Variants in GDI2 observed in about 807,000 individuals in gnomAD.
GDI2 encodes the protein rab GDP dissociation inhibitor beta.
GDI2 carries 22 observed loss-of-function variants against 54.2 expected under a neutral mutation model. The observed-to-expected ratio is 0.41, with a 90% CI of 0.29 to 0.58. The LOEUF is 0.58. Ranked by LOEUF, GDI2 falls within the 20% of genes least tolerant of loss-of-function variation. The probability of loss-of-function intolerance (pLI) is 0.35; values close to 1 mark genes in which losing one functional copy is unlikely to be tolerated. For missense variants in GDI2, 422 were observed against 546.0 expected (o/e 0.77, Z 2.26); for synonymous variants, 177 against 182.1 (o/e 0.97, Z 0.23).
chr10:5,776,028 T>C lies in GDI2; in HGVS notation c.720-2087A>G, dbSNP rs1488003308. ...ATGTTCCCCTGCGCCACTGCTCCCC[T>C]TCCTAAGGCTGCCACTTACCCCGGA... is the stretch of plus-strand genomic sequence containing the variant. On this transcript the variant is annotated intron_variant, in intron 6 of 10. Transcript: ENST00000380191. The surrounding 1 kb of genome is among the most constrained non-coding windows in gnomAD (Gnocchi z 5.3). 2 of 188,148 alleles carry C rather than the reference T, an allele frequency of 1.1e-5. No homozygotes were observed. Among genetic ancestry groups the C allele is most frequent in the East Asian group, 1.6e-4 (1 of 6,242 alleles). The allele number at this position is 188,148 out of a possible 1,614,324, so 11.7% of individuals were successfully genotyped here.
rs986454104 is a variant in GDI2 at position 5,774,920 on chromosome 10, C to G, written c.720-979G>C. 7.9e-5 allele frequency among the ~76,000 whole-genome samples: 11 copies of G among 140,126 alleles called. No individual in the cohort carries two copies. The highest frequency in any genetic ancestry group is 2.3e-4 in the South Asian group (1 of 4,276). The allele number at this position is 140,126 out of a possible 152,430, so 91.9% of individuals were successfully genotyped here. A position where few individuals can be genotyped will look rare whatever the true frequency, so the allele number is the denominator to read the frequency against. On this transcript the variant is annotated intron_variant, in intron 6 of 10. Coordinates refer to ENST00000380191, the MANE Select transcript of GDI2 (RefSeq NM_001494.4). The surrounding 1 kb of genome is among the most constrained non-coding windows in gnomAD (Gnocchi z 4.8). ...GGGAAGGGCAAGGGCAAGGGCAAGG[C>G]CAAGGGAAGGGTTGACCAGTAATAG...
intron 6 of GDI2, among the ~76,000 whole-genome samples, chr10:5,775,806 A>G (rs1840605898): frequency 6.6e-6 from 1 of 152,214 alleles, no homozygotes; most frequent in Non-Finnish European, 1.5e-5. Flanking sequence ...TTTAAGAATA[A>G]GCAGAGGCCA....
At chr10:5,797,559 A>G (rs1564397228) in intron 2 of GDI2, among the ~76,000 whole-genome samples, 1 of 150,912 alleles carries the variant, frequency 6.6e-6, no homozygotes, top group East Asian at 1.9e-4. Context: ...AAAAAAAAAA[A>G]AAAAAAAAAT....
intron 1 of GDI2, among the ~76,000 whole-genome samples, chr10:5,803,989 T>C (rs1295007735): frequency 6.6e-6 from 1 of 152,202 alleles, no homozygotes; most frequent in African/African-American, 2.4e-5. Context: ...TTCACACAAA[T>C]TTCAAGTTTT....
chr10:5,789,902 CA>C (rs1303672967), intron 4 of GDI2, among the ~76,000 whole-genome samples: 1 of 152,200 alleles, frequency 6.6e-6, no homozygotes, highest in African/African-American at 2.4e-5. Flanking sequence ...GTGGTGAGCT[CA>C]AGTGTTTGAA....
chr10:5,804,729 T>C (rs72772386), intron 1 of GDI2, among the ~76,000 whole-genome samples: 5,069 of 152,304 alleles, frequency 0.033, 141 homozygotes, highest in Non-Finnish European at 0.05. Context: ...TATCTGTTCA[T>C]GTACATACTG....
At chr10:5,788,406 C>T (rs1840924668) in intron 4 of GDI2, among the ~76,000 whole-genome samples, 1 of 152,126 alleles carries the variant, frequency 6.6e-6, no homozygotes, top group Non-Finnish European at 1.5e-5. Context: ...CTCTTTCCCC[C>T]ACAGCAATGG....
In GDI2 at chr10:5,802,554, G is replaced by C. The variant is rs376136332; in HGVS notation, c.46-1849C>G. ...TTGGAGGCTGCAGTGAGCCGAGATC[G>C]CGCCACTGCACTCCAGCCTGGTGTC... On this transcript the variant is annotated intron_variant, in intron 1 of 10. Transcript: ENST00000380191. Among the ~76,000 whole-genome samples the C allele has an allele frequency of 1.3e-4, 19 of 151,146 alleles. No homozygotes were observed. In the South Asian group the frequency reaches 2.9e-3, roughly 23 times the overall value.
chr10:5,770,869 G>A (rs577417188), intron 7 of GDI2, among the ~76,000 whole-genome samples: 29 of 149,428 alleles, frequency 1.9e-4, no homozygotes, highest in African/African-American at 7.2e-4. Flanking sequence ...AGGAGGTTGA[G>A]GCAGGAGAAT....
intron 4 of GDI2, 42 bp from the exon 5 acceptor site, chr10:5,786,092 G>A (rs762250108): frequency 2.3e-6 from 3 of 1,292,946 alleles, no homozygotes; most frequent in Non-Finnish European, 3.3e-6. Context: ...CTCACAATCA[G>A]ACATTGAGGA....
At chr10:5,796,210 C>T (rs180975050) in intron 3 of GDI2, among the ~76,000 whole-genome samples, 3 of 151,704 alleles carry the variant, frequency 2.0e-5, no homozygotes, top group East Asian at 2.0e-4. Flanking sequence ...ATTAGCTGGG[C>T]GTGGTGGCAC....
chr10:5,777,349 T>C (rs1310904360), intron 6 of GDI2, among the ~76,000 whole-genome samples: 3 of 152,134 alleles, frequency 2.0e-5, no homozygotes, highest in Non-Finnish European at 4.4e-5. Flanking sequence ...GGCAGGTGCC[T>C]GAAATCCCAG....
At chr10:5,781,423 C>T (rs1038787613) in intron 6 of GDI2, among the ~76,000 whole-genome samples, 1 of 150,068 alleles carries the variant, frequency 6.7e-6, no homozygotes, top group Non-Finnish European at 1.5e-5. Flanking sequence ...GTCAGCAGAT[C>T]GACACCATCC....
At chr10:5,793,201 C>T (rs1841056634) in intron 4 of GDI2, among the ~76,000 whole-genome samples, 1 of 151,986 alleles carries the variant, frequency 6.6e-6, no homozygotes, top group Non-Finnish European at 1.5e-5. Flanking sequence ...TGCTATGTTG[C>T]CCAGGCTGGT....
At chr10:5,812,973 C>T (rs1450962510) in intron 1 of GDI2, among the ~76,000 whole-genome samples, 1 of 152,216 alleles carries the variant, frequency 6.6e-6, no homozygotes, top group African/African-American at 2.4e-5. Context: ...CACCCCGCCC[C>T]GAGCCTCACG....
chr10:5,797,303 T>A (rs931301365), intron 2 of GDI2, among the ~76,000 whole-genome samples: 2 of 151,632 alleles, frequency 1.3e-5, no homozygotes, highest in African/African-American at 4.8e-5. Flanking sequence ...CCCAAACACT[T>A]TGGGAGGCCG....
Position 5,796,811 on chromosome 10 carries a change from C to T in GDI2, c.205G>A (p.Gly69Arg). The T allele has an allele frequency of 6.3e-7, 1 of 1,595,270 alleles. No individual in the cohort carries two copies. The change falls in exon 3 of 11, where the codon GGA (glycine) becomes AGA (arginine). Residue 69 changes from glycine (G) to arginine (R), a missense_variant. Physicochemically the swap from Gly to Arg is moderately radical, Grantham distance 125. Transcript: ENST00000380191. ...PGSPPESMGR[G>R]RDWNVDLIPK... is the part of the protein sequence containing the mutation. ...ATCAAGTCAACATTCCAGTCTCTTC[C>T]TCTCCCCATTGACTCGGGTGGTGAT...
intron 1 of GDI2, among the ~76,000 whole-genome samples, chr10:5,810,411 A>C (rs1841460684): frequency 6.6e-6 from 1 of 152,184 alleles, no homozygotes; most frequent in Non-Finnish European, 1.5e-5. Flanking sequence ...AACTATGTGC[A>C]AATTATGTGG....
At chr10:5,790,037 C>A (rs1432349729) in intron 4 of GDI2, among the ~76,000 whole-genome samples, 1 of 152,186 alleles carries the variant, frequency 6.6e-6, no homozygotes, top group Non-Finnish European at 1.5e-5. Context: ...GTGTTTAGTG[C>A]AACACCATAA....
Sources: gnomAD v4.1 joint callset for allele counts (sites outside exome capture counted in the v4.1 genomes callset) on GRCh38, gnomAD v4.1.1 for gene constraint, Gnocchi (gnomAD v3.1) non-coding constraint, MANE v1.5 for transcripts, NCBI Gene and HGNC (gene_info 2026-07-23, HGNC 2026-07-21) for gene names.